The following MDGA2 variants were observed in gnomAD, a reference collection of about 807,000 sequenced individuals.
MDGA2 encodes MAM domain-containing glycosylphosphatidylinositol anchor protein 2.
MDGA2 carries 40 observed loss-of-function variants against 117.8 expected under a neutral mutation model. That is an observed-to-expected ratio of 0.34 (90% CI 0.26 to 0.44). The LOEUF (loss-of-function observed/expected upper bound fraction) is 0.44. Among genes scored for constraint, MDGA2 ranks in the 20% least tolerant of loss-of-function variants. MDGA2 has a pLI of 1.00. For synonymous variants in MDGA2, 452 were observed against 439.0 expected, an observed-to-expected ratio of 1.03 and a Z score of -0.37; for missense variants, 1,123 against 1,250.6, an observed-to-expected ratio of 0.90 and a Z score of 1.54.
chr14:47,331,070 AC>A (rs1289497218), intron 1 of MDGA2, among the ~76,000 whole-genome samples: 3 of 151,840 alleles, frequency 2.0e-5, no homozygotes, highest in Non-Finnish European at 4.4e-5. Context: ...TAAACCAGCA[AC>A]TTTTTTATAA....
chr14:47,350,913 T>C (rs181788510), intron 1 of MDGA2, among the ~76,000 whole-genome samples: 27 of 152,204 alleles, frequency 1.8e-4, no homozygotes, highest in Admixed American at 1.2e-3. Context: ...TGATCAAATA[T>C]TGTTATTATT....
At chr14:47,036,885 G>C (rs1888875174) in intron 7 of MDGA2, among the ~76,000 whole-genome samples, 1 of 151,874 alleles carries the variant, frequency 6.6e-6, no homozygotes, top group Non-Finnish European at 1.5e-5. Context: ...TTCACTTATT[G>C]TTTAAAACAC....
intron 1 of MDGA2, among the ~76,000 whole-genome samples, chr14:47,359,377 AC>A (rs1226379054): frequency 6.6e-6 from 1 of 152,000 alleles, no homozygotes; most frequent in Admixed American, 6.6e-5. Flanking sequence ...AAGCAAACAA[AC>A]AAACAAAAAA....
At chr14:47,018,250 G>T (rs2138570119) in intron 8 of MDGA2, among the ~76,000 whole-genome samples, 1 of 151,918 alleles carries the variant, frequency 6.6e-6, no homozygotes, top group East Asian at 1.9e-4. Flanking sequence ...AAACTAAATT[G>T]CTATACATGA....
intron 15 of MDGA2, among the ~76,000 whole-genome samples, chr14:46,847,574 CTT>C (rs1308936725): frequency 6.6e-6 from 1 of 151,850 alleles, no homozygotes; most frequent in African/African-American, 2.4e-5. Context: ...TCTCAGAAGA[CTT>C]TTTAACAGTC....
intron 8 of MDGA2, among the ~76,000 whole-genome samples, chr14:47,010,672 C>A (rs1244309310): frequency 6.6e-6 from 1 of 151,904 alleles, no homozygotes; most frequent in Non-Finnish European, 1.5e-5. Flanking sequence ...AGTGTCCCCA[C>A]AAAATGTCAT....
chr14:47,421,784 C>A (rs1892584618), intron 1 of MDGA2, among the ~76,000 whole-genome samples: 1 of 152,106 alleles, frequency 6.6e-6, no homozygotes, highest in Admixed American at 6.6e-5. Context: ...AGAACTCTCG[C>A]ATTGCAAAAA....
chr14:47,585,024 C>T (rs945677542), intron 1 of MDGA2, among the ~76,000 whole-genome samples: 1 of 151,850 alleles, frequency 6.6e-6, no homozygotes, highest in Non-Finnish European at 1.5e-5. Flanking sequence ...TTCCTTATAA[C>T]AGTTAATATC....
At chr14:46,982,778 C>A (rs183080526) in intron 8 of MDGA2, among the ~76,000 whole-genome samples, 2 of 148,616 alleles carry the variant, frequency 1.3e-5, no homozygotes, top group African/African-American at 4.9e-5. Flanking sequence ...TTCCCCTTTT[C>A]CTAATTGAAT....
At chr14:47,519,464 CAT>C (rs1894823422) in intron 1 of MDGA2, among the ~76,000 whole-genome samples, 1 of 152,096 alleles carries the variant, frequency 6.6e-6, no homozygotes, top group Admixed American at 6.5e-5. Context: ...AAATACAACT[CAT>C]GTGGTCAATT....
At chr14:47,309,812 TG>T (rs1889577377) in intron 1 of MDGA2, among the ~76,000 whole-genome samples, 1 of 152,090 alleles carries the variant, frequency 6.6e-6, no homozygotes, top group Non-Finnish European at 1.5e-5. Flanking sequence ...GAAAGACAGA[TG>T]AAAGTTTGTC....
intron 1 of MDGA2, among the ~76,000 whole-genome samples, chr14:47,385,576 T>A (rs184736313): frequency 6.6e-6 from 1 of 152,160 alleles, no homozygotes; most frequent in African/African-American, 2.4e-5. Flanking sequence ...ATTAAAAAGC[T>A]ATTTTTTTCT....
At chr14:47,605,674 C>G (rs1343010278) in intron 1 of MDGA2, among the ~76,000 whole-genome samples, 6 of 152,060 alleles carry the variant, frequency 3.9e-5, no homozygotes, top group Non-Finnish European at 8.8e-5. Context: ...CAGAATTCCT[C>G]AAAATCACTT....
At chr14:47,096,346 CAT>C (rs1214327059) in intron 6 of MDGA2, among the ~76,000 whole-genome samples, 4 of 151,958 alleles carry the variant, frequency 2.6e-5, no homozygotes, top group Non-Finnish European at 4.4e-5. Flanking sequence ...AACACCGTAT[CAT>C]ATGACTATTG....
intron 10 of MDGA2, among the ~76,000 whole-genome samples, chr14:46,915,508 A>G (rs1883864949): frequency 6.6e-6 from 1 of 152,228 alleles, no homozygotes; most frequent in Non-Finnish European, 1.5e-5. Context: ...CCTATCACTC[A>G]TTTACCAAAC....
chr14:46,901,329 A>G (rs1883278513), intron 10 of MDGA2, among the ~76,000 whole-genome samples: 1 of 152,148 alleles, frequency 6.6e-6, no homozygotes, highest in Non-Finnish European at 1.5e-5. Flanking sequence ...AACTTAAAGT[A>G]TAATAATAAT....
At chr14:47,247,306 A>ATTTTT (rs11312463) in intron 2 of MDGA2, among the ~76,000 whole-genome samples, 9 of 140,372 alleles carry the variant, frequency 6.4e-5, no homozygotes, top group Non-Finnish European at 9.3e-5. Flanking sequence ...ATAGTTTCAT[A>ATTTTT]TTTTTTTTTT....
chr14:47,607,970 T>TA (rs1241364066), intron 1 of MDGA2, among the ~76,000 whole-genome samples: 1 of 152,124 alleles, frequency 6.6e-6, no homozygotes, highest in Non-Finnish European at 1.5e-5. Context: ...CTGATAAACT[T>TA]ACATTTATTG....
In MDGA2 at chr14:47,273,874, C is replaced by T. The variant is rs114297603; in HGVS notation, c.420+27537G>A. Among the ~76,000 whole-genome samples the T allele has an allele frequency of 2.4e-3, 364 of 152,022 alleles. 2 individuals carry two copies. Among genetic ancestry groups the T allele is most frequent in the African/African-American group, 8.4e-3 (348 of 41,482 alleles). ...ATAATAATAAAGAAGAATTTGTCTC[C>T]GATCATGAGGAACTTTGAGTTTAGC... is the stretch of plus-strand genomic sequence containing the variant. On this transcript the variant is annotated intron_variant, in intron 2 of 16. Coordinates refer to ENST00000399232, the MANE Select transcript of MDGA2 (RefSeq NM_001113498.3).
Sources: allele counts gnomAD v4.1 joint callset (sites outside exome capture counted in the v4.1 genomes callset), GRCh38; gene constraint gnomAD v4.1.1; transcripts MANE v1.5; gene names NCBI Gene and HGNC (gene_info 2026-07-23, HGNC 2026-07-21).